SORBS2: variants seen among roughly 807,000 people sequenced by gnomAD.
SORBS2 encodes the protein sorbin and SH3 domain containing 2, also known as sorbin and SH3 domain-containing protein 2.
A neutral mutation model predicts 97.7 loss-of-function variants in SORBS2; 46 were observed. That is an observed-to-expected ratio of 0.47 (90% CI 0.37 to 0.60). The LOEUF is 0.60. Ranked by LOEUF, SORBS2 falls within the 20% of genes least tolerant of loss-of-function variation. The probability of loss-of-function intolerance (pLI) is 0.00; values close to 1 mark genes in which losing one functional copy is unlikely to be tolerated. For synonymous variants in SORBS2, 476 were observed against 473.4 expected (o/e 1.01, Z -0.07); for missense variants, 1,316 against 1,282.3 (o/e 1.03, Z -0.40).
At chr4:185,883,370 T>C (rs1310776705) in intron 1 of SORBS2, among the ~76,000 whole-genome samples, 1 of 152,232 alleles carries the variant, frequency 6.6e-6, no homozygotes. Context: ...TTTTAAAACC[T>C]GACAGTATCA....
rs1385686577 is a variant in SORBS2, at chr4:185,678,880, T to TA, written c.-197-59dup. On this transcript the variant is annotated intron_variant, in intron 2 of 20. Transcript: ENST00000284776. ...AAGGTGAAATAAATGAACAACCCAG[T>TA]AAAAATAACATGGCAAAGAACTATA... 2.9e-6 allele frequency: 3 copies of TA among 1,043,168 alleles called. No homozygotes were observed. The African/African-American group carries it at 4.9e-5, about 17-fold the overall frequency. 64.6% of individuals were successfully genotyped at this position (1,043,168 alleles called of 1,614,324 possible). A position where few individuals can be genotyped will look rare whatever the true frequency, so the allele number is the denominator to read the frequency against.
intron 5 of SORBS2, among the ~76,000 whole-genome samples, chr4:185,628,330 G>GAA (rs35791068): frequency 0.38 from 55,169 of 143,762 alleles, 10,381 homozygotes; most frequent in South Asian, 0.53. Context: ...GGAAATAACT[G>GAA]AAAAAAAAAA....
chr4:185,635,545 A>T, intron 4 of SORBS2, 134 bp from the exon 16 acceptor site: 1 of 672,252 alleles, frequency 1.5e-6, no homozygotes, highest in Non-Finnish European at 2.6e-6. Flanking sequence ...CTACACAAAC[A>T]GAATGACATG....
intron 1 of SORBS2, among the ~76,000 whole-genome samples, chr4:185,788,820 C>G (rs376731417): frequency 6.6e-6 from 1 of 152,222 alleles, no homozygotes; most frequent in African/African-American, 2.4e-5. Flanking sequence ...AGAGCCTCCA[C>G]CATTCTGCAA....
chr4:185,932,129 A>G (rs2099266820), intron 1 of SORBS2, among the ~76,000 whole-genome samples: 1 of 151,662 alleles, frequency 6.6e-6, no homozygotes, highest in Non-Finnish European at 1.5e-5. Flanking sequence ...CACCTTGGTA[A>G]ACCACTTGGA....
Position 185,863,910 on chromosome 4 carries a change from A to AT in SORBS2, c.-337-88545dup, listed in dbSNP as rs1361239188. 3.3e-5 allele frequency among the ~76,000 whole-genome samples: 5 copies of AT among 152,154 alleles called. No homozygotes were observed. In the East Asian group the frequency reaches 5.8e-4, roughly 18 times the overall value. On this transcript the variant is annotated intron_variant, in intron 1 of 20. Transcript: ENST00000284776. ...ATATTTAACAATATGGGGTTCTTTAATTTTTTAGCTATGAAATAAAGCATA... is the reference window on the plus strand; with the variant it reads ...ATATTTAACAATATGGGGTTCTTTAATTTTTTTAGCTATGAAATAAAGCATA...
chr4:185,759,341 A>G (rs1270553297), intron 2 of SORBS2, among the ~76,000 whole-genome samples: 1 of 152,196 alleles, frequency 6.6e-6, no homozygotes, highest in Non-Finnish European at 1.5e-5. Flanking sequence ...TCACAATACC[A>G]TATGCTATCA....
intron 1 of SORBS2, chr4:185,811,000 G>C (rs559491860): frequency 2.6e-4 from 39 of 152,246 alleles, no homozygotes; most frequent in African/African-American, 8.9e-4. Flanking sequence ...ATTCTGAGCC[G>C]GGGGAGCACA....
intron 2 of SORBS2, among the ~76,000 whole-genome samples, chr4:185,728,538 C>T (rs999134062): frequency 6.6e-6 from 1 of 152,176 alleles, no homozygotes; most frequent in Admixed American, 6.5e-5. Context: ...TCTGGTGAAG[C>T]AGCAAAACCA....
chr4:185,822,728 C>T (rs1457991771), intron 1 of SORBS2, among the ~76,000 whole-genome samples: 1 of 152,180 alleles, frequency 6.6e-6, no homozygotes, highest in African/African-American at 2.4e-5. Context: ...GGCTATTCTA[C>T]AGGGGCACCA....
chr4:185,779,600 C>T (rs1160431626), intron 1 of SORBS2, among the ~76,000 whole-genome samples: 1 of 152,126 alleles, frequency 6.6e-6, no homozygotes, highest in East Asian at 1.9e-4. Flanking sequence ...CAATTGATTC[C>T]TCATCGCTTC....
intron 1 of SORBS2, among the ~76,000 whole-genome samples, chr4:185,874,939 C>T (rs1023877226): frequency 2.0e-5 from 3 of 150,346 alleles, no homozygotes; most frequent in Non-Finnish European, 4.4e-5. Context: ...TTTAAAAATC[C>T]GGACTCTTTT....
At chr4:185,714,993 T>C (rs565999080) in intron 2 of SORBS2, among the ~76,000 whole-genome samples, 36 of 152,352 alleles carry the variant, frequency 2.4e-4, no homozygotes, top group Admixed American at 1.0e-3. Flanking sequence ...GTGTTTTGGG[T>C]TATAAGTTAA....
chr4:185,738,098 C>T (rs931936884), intron 2 of SORBS2, among the ~76,000 whole-genome samples: 2 of 152,226 alleles, frequency 1.3e-5, no homozygotes, highest in Admixed American at 6.5e-5. Context: ...TCTGCCTCCA[C>T]TTCCAAGTCA....
At chr4:185,587,252 T>TG (rs1163569241) in exon 15 of SORBS2, 8 of 205,666 alleles carry the variant, frequency 3.9e-5, no homozygotes, top group Non-Finnish European at 5.8e-5. Context: ...GAACATCGCC[T>TG]GGGGGGAGAT....
intron 1 of SORBS2, among the ~76,000 whole-genome samples, chr4:185,869,393 A>C (rs941381704): frequency 1.3e-5 from 2 of 152,202 alleles, no homozygotes; most frequent in Non-Finnish European, 2.9e-5. Context: ...TAGGCAGATC[A>C]AGACTTTTCT....
intron 1 of SORBS2, among the ~76,000 whole-genome samples, chr4:185,873,317 C>G (rs1287508619): frequency 6.6e-6 from 1 of 152,166 alleles, no homozygotes; most frequent in Admixed American, 6.6e-5. Flanking sequence ...CAAGAGAAAC[C>G]TGTTCTTAAT....
In SORBS2 at chr4:185,605,616, G is replaced by A. The variant is rs576570181; in HGVS notation, c.2796+6164C>T. Among the ~76,000 whole-genome samples the A allele has an allele frequency of 8.0e-5, 12 of 150,638 alleles. 1 individual carries two copies. In the South Asian group the frequency reaches 1.3e-3, roughly 16 times the overall value. ...CTCTTTTTTTTTGAGATGGAGTCTC[G>A]CTCTGTCACCCAGGCTGGAGTGCAC... On this transcript the variant is annotated intron_variant, in intron 12 of 14. Coordinates refer to ENST00000418609, the Ensembl canonical transcript of SORBS2.
chr4:185,623,583 G>A lies in SORBS2; in HGVS notation c.1546C>T (p.His516Tyr). The A allele has an allele frequency of 6.2e-7, 1 of 1,614,174 alleles. No homozygotes were observed. Among genetic ancestry groups the A allele is most frequent in the African/African-American group, 1.3e-5 (1 of 75,052 alleles). Reference sequence around the variant, plus strand: ...CTGCAGAAGGATGACCCCTCTAGGTGAATGTAGTCACTGTGGTCGGACACA... The same window carrying A: ...CTGCAGAAGGATGACCCCTCTAGGTAAATGTAGTCACTGTGGTCGGACACA... The change falls in exon 7 of 15, where the codon CAC (histidine) becomes TAC (tyrosine). Residue 516 changes from histidine (H) to tyrosine (Y), a missense_variant. By Grantham distance (83) the His-to-Tyr change is moderately conservative. Coordinates refer to ENST00000418609, the Ensembl canonical transcript of SORBS2. This position sits in a 1 kb window ranked among gnomAD's most constrained non-coding sequence, Gnocchi z 6.4.
Sources: gnomAD v4.1 joint callset for allele counts (sites outside exome capture counted in the v4.1 genomes callset) on GRCh38, gnomAD v4.1.1 for gene constraint, Gnocchi (gnomAD v3.1) non-coding constraint, MANE v1.5 for transcripts, NCBI Gene and HGNC (gene_info 2026-07-23, HGNC 2026-07-21) for gene names.